RANBP2: variants seen among roughly 807,000 people sequenced by gnomAD.
The protein encoded by RANBP2 is RAN binding protein 2, also known as E3 SUMO-protein ligase RanBP2.
A neutral mutation model predicts 303.6 loss-of-function variants in RANBP2; 57 were observed. The observed-to-expected ratio is 0.19, with a 90% CI of 0.15 to 0.23. The LOEUF is 0.23. Ranked by LOEUF, RANBP2 falls within the 10% of genes least tolerant of loss-of-function variation. The pLI is 1.00. For synonymous variants in RANBP2, 1,167 were observed against 1,301.5 expected (o/e 0.90, Z 2.23); for missense variants, 3,138 against 3,780.8 (o/e 0.83, Z 4.46).
the RANBP2 span, among the ~76,000 whole-genome samples, chr2:109,008,493 C>T: frequency 1.3e-5 from 2 of 151,748 alleles, no homozygotes; most frequent in Non-Finnish European, 2.9e-5. Flanking sequence ...TGGCAGACAC[C>T]AGGGCAGGGA....
At chr2:108,975,658 C>T in the RANBP2 span, among the ~76,000 whole-genome samples, 26 of 152,080 alleles carry the variant, frequency 1.7e-4, no homozygotes, top group Non-Finnish European at 3.4e-4. Flanking sequence ...AACAGGGGTG[C>T]GGTCTGGGAG....
Position 108,771,735 on chromosome 2 carries a change from AGAT to A in RANBP2, c.7892_7894del (p.Asp2631del), listed in dbSNP as rs747332493. ...AGAAAAAACCTGAAGATTCTCCCTC[AGAT>A]GATGATGTTCTCATTGTATATGAAC... On this transcript the variant is annotated inframe_deletion, in exon 21 of 29. Coordinates refer to ENST00000283195, the MANE Select transcript of RANBP2 (RefSeq NM_006267.5). The A allele has an allele frequency of 3.9e-5, 63 of 1,613,798 alleles. 1 individual carries two copies. In the South Asian group the frequency reaches 6.5e-4, roughly 17 times the overall value.
At chr2:109,445,694 C>T in the RANBP2 span, among the ~76,000 whole-genome samples, 13 of 151,472 alleles carry the variant, frequency 8.6e-5, no homozygotes, top group South Asian at 6.3e-4. Context: ...TGGGTGAAGG[C>T]GTTGACCTGG....
chr2:108,848,192 A>G, the RANBP2 span, among the ~76,000 whole-genome samples: 4 of 152,236 alleles, frequency 2.6e-5, no homozygotes, highest in Admixed American at 6.5e-5. Flanking sequence ...TAATATGTCA[A>G]CATACATTAT....
the RANBP2 span, among the ~76,000 whole-genome samples, chr2:109,680,527 A>G: frequency 3.3e-5 from 5 of 152,212 alleles, no homozygotes; most frequent in Non-Finnish European, 7.3e-5. Context: ...TGAAAGTAAT[A>G]GTAGTTATCT....
At chr2:109,601,536 A>T in the RANBP2 span, among the ~76,000 whole-genome samples, 2 of 152,148 alleles carry the variant, frequency 1.3e-5, no homozygotes, top group Non-Finnish European at 2.9e-5. Flanking sequence ...TATTTCCATA[A>T]ATCACCAATT....
chr2:109,307,114 G>A, the RANBP2 span, among the ~76,000 whole-genome samples: 1 of 152,176 alleles, frequency 6.6e-6, no homozygotes, highest in Admixed American at 6.5e-5. Flanking sequence ...CTCTTACAGT[G>A]GCTTGAAATT....
At chr2:109,117,615 A>G in the RANBP2 span, among the ~76,000 whole-genome samples, 144,096 of 152,310 alleles carry the variant, frequency 0.95, 68,643 homozygotes, top group Non-Finnish European at 1. Context: ...GCCCTGCTTC[A>G]GCTCGCGCAC....
the RANBP2 span, among the ~76,000 whole-genome samples, chr2:109,438,120 C>G: frequency 5.3e-5 from 8 of 152,336 alleles, no homozygotes; most frequent in East Asian, 1.5e-3. Flanking sequence ...GTCCAGAAAG[C>G]AGCTTCTCAA....
the RANBP2 span, among the ~76,000 whole-genome samples, chr2:109,464,375 TATAC>T: frequency 1.3e-5 from 2 of 152,258 alleles, no homozygotes; most frequent in African/African-American, 4.8e-5. Context: ...TATTTATGTA[TATAC>T]ATCTACATGA....
the RANBP2 span, among the ~76,000 whole-genome samples, chr2:109,362,606 A>G: frequency 6.6e-6 from 1 of 152,102 alleles, no homozygotes; most frequent in Non-Finnish European, 1.5e-5. Flanking sequence ...ATTAAGTGCT[A>G]TTAAGTTCAG....
chr2:109,001,809 C>A, the RANBP2 span, among the ~76,000 whole-genome samples: 8 of 152,184 alleles, frequency 5.3e-5, no homozygotes, highest in Admixed American at 3.3e-4. Context: ...CGGCTCACTG[C>A]AAGCTCCGCC....
the RANBP2 span, among the ~76,000 whole-genome samples, chr2:109,090,198 C>T: frequency 6.6e-6 from 1 of 151,830 alleles, no homozygotes; most frequent in Non-Finnish European, 1.5e-5. Flanking sequence ...AGGGTGTCCA[C>T]CTGCTGCCAA....
the RANBP2 span, chr2:108,839,429 G>A: frequency 1.2e-5 from 9 of 762,382 alleles, no homozygotes; most frequent in Non-Finnish European, 1.8e-5. Flanking sequence ...TCTATGTCTT[G>A]CTGGGATTTT....
chr2:109,491,271 G>T, the RANBP2 span, among the ~76,000 whole-genome samples: 1 of 152,298 alleles, frequency 6.6e-6, no homozygotes, highest in African/African-American at 2.4e-5. Flanking sequence ...AACCCTGGGG[G>T]ATCCTGGAGC....
the RANBP2 span, among the ~76,000 whole-genome samples, chr2:109,319,492 G>A: frequency 1.3e-5 from 2 of 152,126 alleles, no homozygotes; most frequent in African/African-American, 2.4e-5. Context: ...CTGGGGTAGT[G>A]ACGGTGGTCA....
chr2:109,505,273 C>T, the RANBP2 span, among the ~76,000 whole-genome samples: 5 of 152,338 alleles, frequency 3.3e-5, no homozygotes, highest in South Asian at 2.1e-4. Flanking sequence ...CCTGGAACCA[C>T]GTGTTTCTTG....
At chr2:109,046,758 G>A in the RANBP2 span, among the ~76,000 whole-genome samples, 8 of 152,068 alleles carry the variant, frequency 5.3e-5, no homozygotes, top group African/African-American at 1.4e-4. Context: ...ACATAGCACC[G>A]TGCCCTTGGT....
intron 1 of RANBP2, among the ~76,000 whole-genome samples, chr2:108,724,540 T>A (rs1324263711): frequency 2.0e-5 from 3 of 152,228 alleles, no homozygotes; most frequent in Non-Finnish European, 4.4e-5. Context: ...ATTCTTGTTC[T>A]TGGTAACTTA....
Sources: allele counts gnomAD v4.1 joint callset (sites outside exome capture counted in the v4.1 genomes callset), GRCh38; gene constraint gnomAD v4.1.1; transcripts MANE v1.5; gene names NCBI Gene and HGNC (gene_info 2026-07-23, HGNC 2026-07-21).